The following ANKRD12 variants were observed in gnomAD, a reference collection of about 807,000 sequenced individuals.
ANKRD12 encodes ankyrin repeat domain-containing protein 12.
ANKRD12 carries 85 observed loss-of-function variants against 183.4 expected under a neutral mutation model. The observed-to-expected ratio is 0.46, with a 90% CI of 0.39 to 0.56. The LOEUF (loss-of-function observed/expected upper bound fraction) is 0.56, where lower values mean the gene tolerates loss of function less well. Ranked by LOEUF, ANKRD12 falls within the 20% of genes least tolerant of loss-of-function variation. ANKRD12 has a pLI of 0.00. For synonymous variants in ANKRD12, 914 were observed against 800.2 expected (o/e 1.14, Z -2.40); for missense variants, 2,405 against 2,357.1 (o/e 1.02, Z -0.42).
Position 9,257,865 on chromosome 18 carries a change from C to G in ANKRD12, c.4598C>G (p.Ser1533Cys). The G allele has an allele frequency of 6.2e-7, 1 of 1,613,588 alleles. No individual in the cohort carries two copies. Among genetic ancestry groups the G allele is most frequent in the Non-Finnish European group, 8.5e-7 (1 of 1,179,864 alleles). Residue 1533 changes from serine (S) to cysteine (C), a missense_variant, in exon 9 of 13, where the codon TCT (serine) becomes TGT (cysteine). This residue lies in a region of ANKRD12 where 1,983 missense variants were observed against 1,725.9 expected (regional missense o/e 1.15). Transcript: ENST00000262126. ...AAAAATGCAGTTCAGATTATTAGTT[C>G]TGCTTTAGATACTGATAATGAATCT... ...QQKNAVQIIS[S>C]ALDTDNESTK...
chr18:9,236,297 A>G lies in ANKRD12; in HGVS notation c.943+14298A>G, dbSNP rs538121654. ...TTCACCTCTTCACTATCCAATAAAA[A>G]TAAGTGAGCTTACCAACCCTCCAGG... On this transcript the variant is annotated intron_variant, in intron 8 of 12. Transcript: ENST00000262126. Among the ~76,000 whole-genome samples, 3 of 152,362 alleles carry G rather than the reference A, an allele frequency of 2.0e-5. 1 individual carries two copies. Among genetic ancestry groups the G allele is most frequent in the East Asian group, 3.9e-4 (2 of 5,188 alleles).
intron 7 of ANKRD12, among the ~76,000 whole-genome samples, chr18:9,221,582 C>G (rs1012092656): frequency 6.6e-6 from 1 of 151,932 alleles, no homozygotes; most frequent in South Asian, 2.1e-4. Flanking sequence ...TATGATGGAA[C>G]AGGATGAAAA....
chr18:9,229,885 G>A (rs1311119011), intron 8 of ANKRD12, among the ~76,000 whole-genome samples: 1 of 151,984 alleles, frequency 6.6e-6, no homozygotes, highest in Non-Finnish European at 1.5e-5. Context: ...ATTTTGTTGA[G>A]GATTTTTACA....
intron 4 of ANKRD12, among the ~76,000 whole-genome samples, chr18:9,207,425 T>A (rs534688522): frequency 6.6e-6 from 1 of 152,250 alleles, no homozygotes; most frequent in Admixed American, 6.5e-5. Flanking sequence ...GAAAGATTTG[T>A]GGACAGCAGA....
intron 11 of ANKRD12, among the ~76,000 whole-genome samples, chr18:9,278,536 C>T (rs185631799): frequency 2.6e-5 from 4 of 152,348 alleles, no homozygotes; most frequent in African/African-American, 9.6e-5. Context: ...CGGTGGCTTA[C>T]GCCTGTATTC....
chr18:9,186,136 G>GTTTT (rs1280812557), intron 2 of ANKRD12, among the ~76,000 whole-genome samples: 1 of 141,894 alleles, frequency 7.0e-6, no homozygotes, highest in Non-Finnish European at 1.5e-5. Flanking sequence ...CTAAAAGTGT[G>GTTTT]ATTTTTTTTT....
chr18:9,240,987 A>G (rs1432916983), intron 8 of ANKRD12, among the ~76,000 whole-genome samples: 2 of 152,310 alleles, frequency 1.3e-5, no homozygotes, highest in East Asian at 3.9e-4. Flanking sequence ...CTATGAAAAT[A>G]CAACTGTTGG....
intron 12 of ANKRD12, among the ~76,000 whole-genome samples, chr18:9,279,948 G>T (rs2040031123): frequency 6.6e-6 from 1 of 151,958 alleles, no homozygotes; most frequent in Admixed American, 6.6e-5. Context: ...GGTAAGAAAA[G>T]GAATATAGTT....
At position 9,257,729 on chromosome 18, in the gene ANKRD12, C is replaced by G. The variant is rs1482097533; in HGVS notation, c.4462C>G (p.Pro1488Ala). The change falls in exon 9 of 13, where the codon CCA becomes GCA. Residue 1488 changes from proline to alanine, a missense_variant. Pro to Ala is a conservative substitution (Grantham distance 27). Coordinates refer to ENST00000262126, the MANE Select transcript of ANKRD12 (RefSeq NM_015208.5). ...CAQDPASFMP[P>A]QQPCSFPSQS... Reference sequence around the variant, plus strand: ...TCAGGATCCGGCATCCTTTATGCCTCCACAGCAGCCTTGCTCTTTCCCCAG... The same window carrying G: ...TCAGGATCCGGCATCCTTTATGCCTGCACAGCAGCCTTGCTCTTTCCCCAG... The G allele has an allele frequency of 6.2e-7, 1 of 1,614,070 alleles. No homozygotes were observed. Among genetic ancestry groups the G allele is most frequent in the East Asian group, 2.2e-5 (1 of 44,888 alleles).
At chr18:9,254,112 G>T in intron 8 of ANKRD12, 99 bp from the exon 9 acceptor site, 3 of 1,260,402 alleles carry the variant, frequency 2.4e-6, no homozygotes. Context: ...TTTGAAATAT[G>T]TATTGTATAA....
chr18:9,152,720 CATTTG>C (rs1272860028), intron 1 of ANKRD12, among the ~76,000 whole-genome samples: 1 of 151,836 alleles, frequency 6.6e-6, no homozygotes, highest in Non-Finnish European at 1.5e-5. Context: ...CAAAGGCATC[CATTTG>C]ATTTATTGAG....
At chr18:9,205,247 A>G (rs1015096444) in intron 4 of ANKRD12, among the ~76,000 whole-genome samples, 2 of 37,438 alleles carry the variant, frequency 5.3e-5, no homozygotes, top group African/African-American at 1.1e-4. Context: ...TGTGACAGCT[A>G]ATTAGTTAAA....
chr18:9,258,350 C>T lies in ANKRD12; in HGVS notation c.5083C>T (p.Leu1695=), dbSNP rs747330162. ...EESQQSILSS[L]ENHSQQSTQP... ...ATCTCAACAAAGCATTTTATCAAGT[C>T]TGGAAAACCATTCACAGCAGTCAAC... Residue 1695 remains leucine (L), a synonymous_variant, in exon 9 of 13, where the codon CTG becomes TTG. Coordinates refer to ENST00000262126, the MANE Select transcript of ANKRD12 (RefSeq NM_015208.5). The T allele has an allele frequency of 1.9e-5, 30 of 1,613,576 alleles. No individual in the cohort carries two copies. Among genetic ancestry groups the T allele is most frequent in the Non-Finnish European group, 2.5e-5 (30 of 1,179,926 alleles).
intron 10 of ANKRD12, among the ~76,000 whole-genome samples, chr18:9,267,338 G>A (rs374506268): frequency 8.6e-5 from 13 of 151,940 alleles, no homozygotes; most frequent in South Asian, 4.2e-4. Flanking sequence ...GCACCACGCC[G>A]CACTTCTTCC....
chr18:9,254,158 C>G, intron 8 of ANKRD12, 53 bp from the exon 9 acceptor site: 1 of 1,433,544 alleles, frequency 7.0e-7, no homozygotes, highest in Non-Finnish European at 9.1e-7. Context: ...AATTATTTTT[C>G]TGGCAGTTGT....
intron 3 of ANKRD12, among the ~76,000 whole-genome samples, chr18:9,199,285 T>C (rs2035028766): frequency 6.6e-6 from 1 of 152,066 alleles, no homozygotes; most frequent in Admixed American, 6.6e-5. Flanking sequence ...ATACGTAATA[T>C]GGGAAGGTGA....
chr18:9,194,024 C>A (rs565597705), intron 2 of ANKRD12, among the ~76,000 whole-genome samples: 9 of 152,168 alleles, frequency 5.9e-5, no homozygotes, highest in Admixed American at 2.6e-4. Flanking sequence ...AATTATAAAT[C>A]CATTTCTGGT....
At chr18:9,241,530 A>C (rs1567955053) in intron 8 of ANKRD12, among the ~76,000 whole-genome samples, 1 of 152,166 alleles carries the variant, frequency 6.6e-6, no homozygotes, top group Non-Finnish European at 1.5e-5. Context: ...AATAGCAGCA[A>C]GCATCAAGTT....
intron 9 of ANKRD12, chr18:9,259,680 AT>A (rs1167289292): frequency 3.3e-5 from 5 of 152,058 alleles, no homozygotes; most frequent in Non-Finnish European, 7.4e-5. Flanking sequence ...TTTAATTTTT[AT>A]TTTTTAATGA....
Sources: allele counts gnomAD v4.1 joint callset (sites outside exome capture counted in the v4.1 genomes callset), GRCh38; gene constraint gnomAD v4.1.1; regional missense constraint gnomAD v4.1.1; transcripts MANE v1.5; gene names NCBI Gene and HGNC (gene_info 2026-07-23, HGNC 2026-07-21).